The following RNF216 variants were observed in gnomAD, a reference collection of about 807,000 sequenced individuals.
RNF216 encodes the protein E3 ubiquitin-protein ligase RNF216.
RNF216 carries 72 observed loss-of-function variants against 110.8 expected under a neutral mutation model. The ratio of observed to expected loss-of-function variants is 0.65; its 90% CI spans 0.54 to 0.79. RNF216 has a LOEUF of 0.79. Among genes scored for constraint, RNF216 ranks in the 30% least tolerant of loss-of-function variants. The pLI, the probability that RNF216 is intolerant of heterozygous loss-of-function variation, is 0.00. For missense variants in RNF216, 1,342 were observed against 1,141.2 expected (o/e 1.18, Z -2.54); for synonymous variants, 495 against 407.5 (o/e 1.21, Z -2.59).
At chr7:5,634,315 T>C (rs1787263991) in intron 15 of RNF216, among the ~76,000 whole-genome samples, 1 of 151,892 alleles carries the variant, frequency 6.6e-6, no homozygotes, top group African/African-American at 2.4e-5. Flanking sequence ...TGGGGGTGGG[T>C]TGGGGCTGGG....
intron 15 of RNF216, among the ~76,000 whole-genome samples, chr7:5,632,736 G>A (rs1380072414): frequency 2.6e-5 from 4 of 151,936 alleles, no homozygotes; most frequent in South Asian, 2.1e-4. Flanking sequence ...AAGATCACGC[G>A]ACTGCATTCC....
chr7:5,755,731 C>G (rs1795601022), intron 2 of RNF216, among the ~76,000 whole-genome samples: 1 of 152,150 alleles, frequency 6.6e-6, no homozygotes, highest in Admixed American at 6.5e-5. Flanking sequence ...GCAGTTTAGG[C>G]TACTGTGGAT....
intron 11 of RNF216, among the ~76,000 whole-genome samples, 189 bp from the exon 12 acceptor site, chr7:5,713,052 T>TA (rs1335880145): frequency 6.6e-6 from 1 of 152,152 alleles, no homozygotes; most frequent in Non-Finnish European, 1.5e-5. Flanking sequence ...TTGATATCAC[T>TA]AAAGGACCTC....
rs1047660162 is a variant in RNF216 at position 5,659,971 on chromosome 7, T to A, written c.2062-7461A>T. Among the ~76,000 whole-genome samples, 4 of 129,212 alleles carry A rather than the reference T, an allele frequency of 3.1e-5. No homozygotes were observed. The South Asian group carries it at 7.5e-4, about 24-fold the overall frequency. 84.8% of individuals were successfully genotyped at this position (129,212 alleles called of 152,430 possible). A position where few individuals can be genotyped will look rare whatever the true frequency, so the allele number is the denominator to read the frequency against. On this transcript the variant is annotated intron_variant, in intron 13 of 16. Transcript: ENST00000389902. ...TCATTAATTTTTTTTTTTTTTTTTTTAGAGACAAGGTCTTGCTCTGTTGCC... is the reference window on the plus strand; with the variant it reads ...TCATTAATTTTTTTTTTTTTTTTTTAAGAGACAAGGTCTTGCTCTGTTGCC...
At chr7:5,751,874 T>TTTTTA (rs1795348286) in intron 3 of RNF216, among the ~76,000 whole-genome samples, 1 of 112,898 alleles carries the variant, frequency 8.9e-6, no homozygotes, top group Non-Finnish European at 1.9e-5. Flanking sequence ...ATTTGTAGTT[T>TTTTTA]AAAAAAAACA....
intron 2 of RNF216, among the ~76,000 whole-genome samples, chr7:5,760,067 G>A (rs7793309): frequency 2.0e-5 from 3 of 151,976 alleles, no homozygotes; most frequent in Admixed American, 6.6e-5. Flanking sequence ...AAAAATGAAC[G>A]TAAGGATTCT....
chr7:5,710,461 G>C (rs1028639547), intron 13 of RNF216, among the ~76,000 whole-genome samples: 1 of 151,922 alleles, frequency 6.6e-6, no homozygotes, highest in Non-Finnish European at 1.5e-5. Context: ...TTCACTGGCA[G>C]ACCTTCTTTG....
rs1485250197 is a variant in RNF216, at chr7:5,712,968, ATC to A, written c.1834-107_1834-106del. On this transcript the variant is annotated intron_variant, in intron 11 of 16. Coordinates refer to ENST00000389902, the MANE Select transcript of RNF216 (RefSeq NM_207111.4). ...TAGATCCTGAGACAACATAGCAAGGATCTCTCTGCCTGTTCATCTCTGAGAAA... is the reference window on the plus strand; with the variant it reads ...TAGATCCTGAGACAACATAGCAAGGATCTCTGCCTGTTCATCTCTGAGAAA... 4 of 1,017,010 alleles carry A rather than the reference ATC, an allele frequency of 3.9e-6. No individual in the cohort carries two copies. In the Admixed American group the frequency reaches 8.5e-5, roughly 22 times the overall value. The allele number at this position is 1,017,010 out of a possible 1,614,324, so 63.0% of individuals were successfully genotyped here. A position where few individuals can be genotyped will look rare whatever the true frequency, so the allele number is the denominator to read the frequency against.
chr7:5,774,005 C>T (rs1796640678), intron 1 of RNF216, among the ~76,000 whole-genome samples: 2 of 152,164 alleles, frequency 1.3e-5, no homozygotes, highest in Non-Finnish European at 2.9e-5. Context: ...CTGCTAGTAA[C>T]GGTTCAAAAA....
At chr7:5,643,444 C>T (rs1021167697) in intron 14 of RNF216, among the ~76,000 whole-genome samples, 3 of 151,688 alleles carry the variant, frequency 2.0e-5, no homozygotes, top group African/African-American at 2.4e-5. Context: ...GAAGCCGGAG[C>T]TGTGACTGTG....
intron 3 of RNF216, among the ~76,000 whole-genome samples, chr7:5,747,629 T>A (rs1795094575): frequency 6.6e-6 from 1 of 151,492 alleles, no homozygotes; most frequent in Admixed American, 6.6e-5. Flanking sequence ...CACACACCTG[T>A]AATCCTAGCT....
intron 13 of RNF216, among the ~76,000 whole-genome samples, chr7:5,678,695 G>C (rs1790460699): frequency 6.6e-6 from 1 of 152,242 alleles, no homozygotes; most frequent in Non-Finnish European, 1.5e-5. Flanking sequence ...TCCTGGGCCT[G>C]CTACCCTCCA....
At chr7:5,687,157 A>G (rs13234341) in intron 13 of RNF216, among the ~76,000 whole-genome samples, 1 of 152,168 alleles carries the variant, frequency 6.6e-6, no homozygotes, top group African/African-American at 2.4e-5. Context: ...GCACTCTGGG[A>G]GGTTGAGGTG....
intron 13 of RNF216, chr7:5,662,344 C>T (rs1432952249): frequency 6.6e-6 from 1 of 152,160 alleles, no homozygotes; most frequent in African/African-American, 2.4e-5. Flanking sequence ...ATTTCCATTA[C>T]CGCATAAACA....
chr7:5,645,377 T>C lies in RNF216; in HGVS notation c.2160-4001A>G, dbSNP rs866965542. ...GGCTTCCCCTTAATGTGAATATTGG[T>C]ACATCAGATGATGTTCTACAGGTCC... On this transcript the variant is annotated intron_variant, in intron 14 of 16. Coordinates refer to ENST00000389902, the MANE Select transcript of RNF216 (RefSeq NM_207111.4). Among the ~76,000 whole-genome samples the C allele has an allele frequency of 3.9e-5, 6 of 152,348 alleles. No homozygotes were observed. In the South Asian group the frequency reaches 1.0e-3, roughly 26 times the overall value.
chr7:5,662,846 T>C (rs2128587231), intron 13 of RNF216, among the ~76,000 whole-genome samples: 1 of 152,154 alleles, frequency 6.6e-6, no homozygotes, highest in East Asian at 1.9e-4. Context: ...AAGGCTTGTG[T>C]AGAGCTGGCA....
chr7:5,772,802 A>G (rs1468366552), intron 1 of RNF216, among the ~76,000 whole-genome samples: 1 of 140,390 alleles, frequency 7.1e-6, no homozygotes, highest in African/African-American at 2.7e-5. Flanking sequence ...TTTGAGACAG[A>G]GTTTCGCTCT....
At chr7:5,727,680 G>C (rs932237602) in intron 7 of RNF216, among the ~76,000 whole-genome samples, 1 of 152,112 alleles carries the variant, frequency 6.6e-6, no homozygotes, top group Non-Finnish European at 1.5e-5. Context: ...AATAAGCCAC[G>C]ATTGGGCCAC....
In RNF216 at chr7:5,623,012, T is replaced by C. The variant is rs200453921; in HGVS notation, c.2620A>G (p.Asn874Asp). Residue 874 changes from asparagine (N) to aspartate (D), a missense_variant, in exon 17 of 17, where the codon AAC (asparagine) becomes GAC (aspartate). Coordinates refer to ENST00000389902, the MANE Select transcript of RNF216 (RefSeq NM_207111.4). ...FPLPPVRPVF[N>D]NFPLNMGPIP... Reference sequence around the variant, plus strand: ...GGCCCCATGTTGAGTGGGAAGTTGTTGAACACAGGCCGCACGGGAGGCAGG... The same window carrying C: ...GGCCCCATGTTGAGTGGGAAGTTGTCGAACACAGGCCGCACGGGAGGCAGG... The C allele has an allele frequency of 3.1e-6, 5 of 1,614,012 alleles. No individual in the cohort carries two copies. The African/African-American group carries it at 4.0e-5, about 13-fold the overall frequency.
Sources: gnomAD v4.1 joint callset for allele counts (sites outside exome capture counted in the v4.1 genomes callset) on GRCh38, gnomAD v4.1.1 for gene constraint, MANE v1.5 for transcripts, NCBI Gene and HGNC (gene_info 2026-07-23, HGNC 2026-07-21) for gene names.